GPC6: variants seen among roughly 807,000 people sequenced by gnomAD.
The protein encoded by GPC6 is glypican 6, also known as glypican-6.
A neutral mutation model predicts 55.2 loss-of-function variants in GPC6; 14 were observed. That is an observed-to-expected ratio of 0.25 (90% CI 0.17 to 0.40). The LOEUF is 0.40. Among genes scored for constraint, GPC6 ranks in the 10% least tolerant of loss-of-function variants. The pLI, the probability that GPC6 is intolerant of heterozygous loss-of-function variation, is 1.00. For missense variants in GPC6, 641 were observed against 708.5 expected, an observed-to-expected ratio of 0.90 and a Z score of 1.08; for synonymous variants, 278 against 259.6, an observed-to-expected ratio of 1.07 and a Z score of -0.68.
chr13:93,484,474 C>G (rs565008994), intron 1 of GPC6, among the ~76,000 whole-genome samples: 1 of 152,054 alleles, frequency 6.6e-6, no homozygotes, highest in Admixed American at 6.6e-5. Context: ...CTGTGAACCT[C>G]TTTTGGGAAT....
intron 1 of GPC6, among the ~76,000 whole-genome samples, chr13:93,250,734 T>G (rs1876760011): frequency 1.3e-5 from 2 of 152,184 alleles, no homozygotes; most frequent in African/African-American, 4.8e-5. Flanking sequence ...AGGCAATCTC[T>G]TCACAGAATC....
chr13:93,956,225 A>G (rs1594618879), intron 3 of GPC6, among the ~76,000 whole-genome samples: 1 of 152,114 alleles, frequency 6.6e-6, no homozygotes, highest in East Asian at 1.9e-4. Flanking sequence ...TCAAACTTGC[A>G]AACACAGTTG....
chr13:93,486,776 C>T (rs191276945), intron 1 of GPC6, among the ~76,000 whole-genome samples: 1 of 152,134 alleles, frequency 6.6e-6, no homozygotes, highest in Non-Finnish European at 1.5e-5. Context: ...GAAAACCCAT[C>T]TCTACTAAAA....
chr13:93,317,235 G>A (rs1429376413), intron 1 of GPC6, among the ~76,000 whole-genome samples: 1 of 152,024 alleles, frequency 6.6e-6, no homozygotes, highest in Admixed American at 6.6e-5. Context: ...ATTTGAATGG[G>A]CACATACCAA....
intron 6 of GPC6, among the ~76,000 whole-genome samples, chr13:94,365,299 G>A (rs1448325126): frequency 6.6e-6 from 1 of 152,162 alleles, no homozygotes; most frequent in Admixed American, 6.5e-5. Flanking sequence ...ACAGCCTTGG[G>A]TGCTGTGGTT....
chr13:94,067,158 C>G (rs1884546697), intron 4 of GPC6, among the ~76,000 whole-genome samples: 1 of 152,134 alleles, frequency 6.6e-6, no homozygotes, highest in South Asian at 2.1e-4. Flanking sequence ...AATACCTACT[C>G]AAATTCCAAA....
intron 3 of GPC6, among the ~76,000 whole-genome samples, chr13:93,953,382 A>G (rs1464572995): frequency 6.6e-6 from 1 of 152,082 alleles, no homozygotes; most frequent in Non-Finnish European, 1.5e-5. Flanking sequence ...TTTTCAGTCC[A>G]TCTTTGGTGG....
At chr13:93,826,404 G>C (rs934091344) in intron 2 of GPC6, among the ~76,000 whole-genome samples, 1 of 151,986 alleles carries the variant, frequency 6.6e-6, no homozygotes, top group Non-Finnish European at 1.5e-5. Flanking sequence ...CTATAATCTC[G>C]ACTGACTAAT....
chr13:93,891,508 G>A lies in GPC6; in HGVS notation c.711+60963G>A, dbSNP rs562266152. ...ATCAAGTCCCCTCTGCAGAAACACAGCTCTGGTCACCAGCTGTTTGAGGCA... is the reference window on the plus strand; with the variant it reads ...ATCAAGTCCCCTCTGCAGAAACACAACTCTGGTCACCAGCTGTTTGAGGCA... On this transcript the variant is annotated intron_variant, in intron 3 of 8. Transcript: ENST00000377047. Among the ~76,000 whole-genome samples, 18 of 152,216 alleles carry A rather than the reference G, an allele frequency of 1.2e-4. No homozygotes were observed. In the South Asian group the frequency reaches 1.9e-3, roughly 16 times the overall value.
intron 2 of GPC6, among the ~76,000 whole-genome samples, chr13:93,596,606 A>ATATATATATAT (rs1555314936): frequency 7.3e-5 from 4 of 54,836 alleles, no homozygotes; most frequent in African/African-American, 4.3e-4. Flanking sequence ...TAAATAAATA[A>ATATATATATAT]ATAAATATAT....
At chr13:93,769,775 T>C (rs770625950) in intron 2 of GPC6, among the ~76,000 whole-genome samples, 1 of 152,210 alleles carries the variant, frequency 6.6e-6, no homozygotes, top group Non-Finnish European at 1.5e-5. Context: ...AATGCAGGCC[T>C]GGGAAGGATG....
intron 4 of GPC6, among the ~76,000 whole-genome samples, chr13:94,198,974 C>A (rs962836654): frequency 6.6e-6 from 1 of 152,132 alleles, no homozygotes; most frequent in African/African-American, 2.4e-5. Flanking sequence ...GAGATAATGA[C>A]CCACAGGAAA....
At chr13:93,300,990 G>A (rs1178877866) in intron 1 of GPC6, among the ~76,000 whole-genome samples, 1 of 151,848 alleles carries the variant, frequency 6.6e-6, no homozygotes, top group East Asian at 2.0e-4. Context: ...TTGCACTCCG[G>A]CCTTGGCAAC....
At chr13:93,747,875 C>CAA (rs1884452386) in intron 2 of GPC6, among the ~76,000 whole-genome samples, 1 of 152,166 alleles carries the variant, frequency 6.6e-6, no homozygotes, top group Non-Finnish European at 1.5e-5. Flanking sequence ...TCAGCAGTTA[C>CAA]CTGTTTAGAT....
At chr13:93,473,280 C>T (rs1027162225) in intron 1 of GPC6, among the ~76,000 whole-genome samples, 1 of 152,186 alleles carries the variant, frequency 6.6e-6, no homozygotes, top group African/African-American at 2.4e-5. Flanking sequence ...TGCCCTAAGC[C>T]CCTACTTGTT....
chr13:93,918,480 G>T (rs1877402481), intron 3 of GPC6, among the ~76,000 whole-genome samples: 1 of 152,202 alleles, frequency 6.6e-6, no homozygotes, highest in Middle Eastern at 3.4e-3. Context: ...GTGGGACATG[G>T]ATCCTCTTTA....
chr13:93,540,867 G>T (rs1882266383), intron 1 of GPC6, among the ~76,000 whole-genome samples: 1 of 151,890 alleles, frequency 6.6e-6, no homozygotes, highest in Non-Finnish European at 1.5e-5. Flanking sequence ...CCAGCCTCTA[G>T]TATCCTCTGT....
intron 1 of GPC6, among the ~76,000 whole-genome samples, chr13:93,277,201 A>T (rs1035631471): frequency 2.0e-5 from 3 of 152,210 alleles, no homozygotes; most frequent in Non-Finnish European, 4.4e-5. Flanking sequence ...GAAGGAATTT[A>T]CGAACACACC....
intron 1 of GPC6, among the ~76,000 whole-genome samples, chr13:93,335,759 G>A (rs1473376748): frequency 6.6e-6 from 1 of 152,132 alleles, no homozygotes; most frequent in African/African-American, 2.4e-5. Context: ...GGGCATTTGA[G>A]TTTCTGACCT....
Sources: gnomAD v4.1 joint callset for allele counts (sites outside exome capture counted in the v4.1 genomes callset) on GRCh38, gnomAD v4.1.1 for gene constraint, MANE v1.5 for transcripts, NCBI Gene and HGNC (gene_info 2026-07-23, HGNC 2026-07-21) for gene names.